SASH1: variants seen among roughly 807,000 people sequenced by gnomAD.
SASH1 encodes SAM and SH3 domain containing 1.
In SASH1, 44 loss-of-function variants were observed where a neutral mutation model predicts 125.2. The observed-to-expected ratio is 0.35, with a 90% CI of 0.28 to 0.45. SASH1 has a LOEUF of 0.45. SASH1 is among the 20% of genes least tolerant of loss of function. The pLI is 1.00. For missense variants in SASH1, 1,426 were observed against 1,614.5 expected (o/e 0.88, Z 2.00); for synonymous variants, 639 against 649.1 (o/e 0.98, Z 0.24).
intron 4 of SASH1, among the ~76,000 whole-genome samples, chr6:148,445,770 G>T (rs1776742752): frequency 6.6e-6 from 1 of 152,132 alleles, no homozygotes; most frequent in African/African-American, 2.4e-5. Flanking sequence ...AGCTTTCCTA[G>T]AAACCCTGTC....
chr6:148,333,976 C>G (rs1781070198), intron 1 of SASH1, among the ~76,000 whole-genome samples: 2 of 151,802 alleles, frequency 1.3e-5, no homozygotes, highest in African/African-American at 4.8e-5. Context: ...GAGCCCACCA[C>G]CACGACTGGC....
intron 2 of SASH1, 137 bp from the exon 3 acceptor site, chr6:148,440,047 G>A (rs550049629): frequency 4.3e-6 from 3 of 703,592 alleles, no homozygotes; most frequent in South Asian, 3.5e-5. Flanking sequence ...CAGAAAATCT[G>A]TTTATCTCTG....
upstream of SASH1, among the ~76,000 whole-genome samples, chr6:148,338,287 C>A (rs193050681): frequency 6.6e-6 from 1 of 151,942 alleles, no homozygotes. Flanking sequence ...ATTAGCCTGG[C>A]ATGGTGGCAC....
At chr6:148,238,172 G>T in the SASH1 span, among the ~76,000 whole-genome samples, 5 of 152,042 alleles carry the variant, frequency 3.3e-5, no homozygotes, top group Admixed American at 6.5e-5. Flanking sequence ...CCACCTCAAA[G>T]CCTCCTATCC....
chr6:148,201,572 A>T, the SASH1 span, among the ~76,000 whole-genome samples: 1 of 152,090 alleles, frequency 6.6e-6, no homozygotes, highest in Admixed American at 6.5e-5. Context: ...ATCTCGGGGC[A>T]CACTTTGAGA....
At chr6:148,286,092 A>C (rs963050880) in intron 1 of SASH1, among the ~76,000 whole-genome samples, 1 of 152,092 alleles carries the variant, frequency 6.6e-6, no homozygotes, top group African/African-American at 2.4e-5. Flanking sequence ...TCCACATAAA[A>C]TCTTTACAAA....
chr6:148,236,354 C>T, the SASH1 span, among the ~76,000 whole-genome samples: 85 of 151,984 alleles, frequency 5.6e-4, no homozygotes, highest in Non-Finnish European at 1.0e-3. Flanking sequence ...GCTGGGATTA[C>T]AGGCACCCAC....
chr6:148,383,138 G>A (rs773747658), intron 1 of SASH1, among the ~76,000 whole-genome samples: 2 of 152,154 alleles, frequency 1.3e-5, no homozygotes, highest in Non-Finnish European at 2.9e-5. Flanking sequence ...CAATGAGGCC[G>A]AACAAGAAAA....
At chr6:148,400,631 G>A (rs1784133938) in intron 2 of SASH1, among the ~76,000 whole-genome samples, 1 of 152,124 alleles carries the variant, frequency 6.6e-6, no homozygotes, top group Non-Finnish European at 1.5e-5. Context: ...CACACCTATT[G>A]TCCCAGCCAC....
chr6:148,354,504 T>C (rs1321014606), intron 1 of SASH1, among the ~76,000 whole-genome samples: 1 of 152,208 alleles, frequency 6.6e-6, no homozygotes, highest in Non-Finnish European at 1.5e-5. Flanking sequence ...GTAGACTCTT[T>C]TCCCAGGGTT....
chr6:148,389,778 C>T (rs1783624297), intron 1 of SASH1, among the ~76,000 whole-genome samples: 2 of 152,226 alleles, frequency 1.3e-5, no homozygotes, highest in African/African-American at 4.8e-5. Context: ...GGTGTTTCCT[C>T]TCTTAGCCCT....
chr6:148,412,629 A>C (rs1410068634), intron 2 of SASH1, among the ~76,000 whole-genome samples: 1 of 152,158 alleles, frequency 6.6e-6, no homozygotes, highest in East Asian at 1.9e-4. Context: ...TACAAGCACA[A>C]CACCAGAATC....
rs1030674441 is a variant in SASH1, at chr6:148,529,238, T to C, written c.1428+1642T>C. On this transcript the variant is annotated intron_variant, in intron 12 of 19. Transcript: ENST00000367467. The surrounding 1 kb of genome is among the most constrained non-coding windows in gnomAD (Gnocchi z 4.2). Reference sequence around the variant, plus strand: ...AGTTGGAGAATGCTGATCTAGAGGATAGAGGCCAGGGACGCTGCCAAACAT... The same window carrying C: ...AGTTGGAGAATGCTGATCTAGAGGACAGAGGCCAGGGACGCTGCCAAACAT... 2.0e-4 allele frequency among the ~76,000 whole-genome samples: 31 copies of C among 152,030 alleles called. No homozygotes were observed. The highest frequency in any genetic ancestry group is 7.0e-4 in the African/African-American group (29 of 41,388).
intron 9 of SASH1, 64 bp downstream of exon 9, chr6:148,514,520 C>G: frequency 7.4e-7 from 1 of 1,346,946 alleles, no homozygotes; most frequent in Non-Finnish European, 9.5e-7. Flanking sequence ...CAAAAGAAAT[C>G]ATTTGGGGTC....
the SASH1 span, among the ~76,000 whole-genome samples, chr6:148,230,069 A>G: frequency 6.6e-6 from 1 of 152,072 alleles, no homozygotes; most frequent in Non-Finnish European, 1.5e-5. Flanking sequence ...TTTCCTGTTC[A>G]CCCCTAACCC....
intron 1 of SASH1, among the ~76,000 whole-genome samples, chr6:148,323,317 C>G (rs112517022): frequency 6.6e-6 from 1 of 151,962 alleles, no homozygotes; most frequent in African/African-American, 2.4e-5. Flanking sequence ...CCAACGGTGG[C>G]TCTTTCAAAA....
chr6:148,311,200 A>G lies in SASH1; in HGVS notation n.74+38823A>G, dbSNP rs1780318940. Among the ~76,000 whole-genome samples, 4 of 150,936 alleles carry G rather than the reference A, an allele frequency of 2.7e-5. No individual in the cohort carries two copies. In the South Asian group the frequency reaches 8.4e-4, roughly 32 times the overall value. ...CGGCTCACTGCAACATCTGCCTCCC[A>G]GGTTCAAGCGATTCTGCTGCCTCAG... On this transcript the variant is annotated intron_variant and non_coding_transcript_variant, in intron 1 of 3. Transcript: ENST00000367469.
chr6:148,267,365 T>TTTTGTGTGTGTGTG (rs1554227759), upstream of SASH1, among the ~76,000 whole-genome samples: 1 of 130,014 alleles, frequency 7.7e-6, no homozygotes, highest in Non-Finnish European at 1.6e-5. Flanking sequence ...CAGTACTACT[T>TTTTGTGTGTGTGTG]TGTGTGTGTG....
At chr6:148,508,421 T>C in intron 8 of SASH1, 4 of 979,480 alleles carry the variant, frequency 4.1e-6, no homozygotes, top group Non-Finnish European at 3.7e-6. Flanking sequence ...GATTCTCGCG[T>C]TCTTTTTTCT....
Sources: gnomAD v4.1 joint callset for allele counts (sites outside exome capture counted in the v4.1 genomes callset) on GRCh38, gnomAD v4.1.1 for gene constraint, Gnocchi (gnomAD v3.1) non-coding constraint, MANE v1.5 for transcripts, NCBI Gene and HGNC (gene_info 2026-07-23, HGNC 2026-07-21) for gene names.